The following CAST variants were observed in gnomAD, a reference collection of about 807,000 sequenced individuals.
CAST encodes the protein MIR583 host.
In CAST, 76 loss-of-function variants were observed where a neutral mutation model predicts 119.6. That is an observed-to-expected ratio of 0.64 (90% CI 0.53 to 0.77). The LOEUF is 0.77. CAST is among the 30% of genes least tolerant of loss of function. CAST has a pLI of 0.00. For synonymous variants in CAST, 319 were observed against 331.6 expected, an observed-to-expected ratio of 0.96 and a Z score of 0.41; for missense variants, 953 against 946.5, an observed-to-expected ratio of 1.01 and a Z score of -0.09.
At chr5:96,178,491 T>A in the CAST span, among the ~76,000 whole-genome samples, 1 of 152,148 alleles carries the variant, frequency 6.6e-6, no homozygotes, top group East Asian at 1.9e-4. Context: ...ATGGTGCCTT[T>A]GAAAATGAGG....
Position 96,662,660 on chromosome 5 carries a change from G to GGCAGCAGGTT in CAST, c.75+165_75+166insAGCAGGTTGC, listed in dbSNP as rs1748708169. On this transcript the variant is annotated intron_variant, in intron 1 of 31. Transcript: ENST00000675179. ...GGGGCTTGGCCGCTGCCAGGCAGGT[G>GGCAGCAGGTT]GCTGCAGGTGGCTTCGGTTCCCCGG... is the stretch of plus-strand genomic sequence containing the variant. 5.9e-5 allele frequency among the ~76,000 whole-genome samples: 9 copies of GGCAGCAGGTT among 152,138 alleles called. No individual in the cohort carries two copies. The South Asian group carries it at 1.9e-3, about 32-fold the overall frequency.
the CAST span, among the ~76,000 whole-genome samples, chr5:95,988,365 C>T: frequency 2.0e-5 from 3 of 151,736 alleles, no homozygotes; most frequent in Admixed American, 6.6e-5. Context: ...ATGAAGCTGC[C>T]GGTATGTGTG....
At chr5:96,412,237 T>C in the CAST span, 1 of 1,183,006 alleles carries the variant, frequency 8.5e-7, no homozygotes, top group South Asian at 1.2e-5. Flanking sequence ...TGTTATTCCA[T>C]GTAACCTAAG....
At chr5:96,362,383 A>G in the CAST span, among the ~76,000 whole-genome samples, 2 of 152,118 alleles carry the variant, frequency 1.3e-5, no homozygotes, top group South Asian at 2.1e-4. Flanking sequence ...GGTATTTCTA[A>G]TTCTAGATCC....
rs542986307 is a variant in CAST, at chr5:96,617,633, CAA to C, written c.61-57898_61-57897del. ...TGAAACCCCGTCTCTACTAAAAATA[CAA>C]AAAAAAATTAGCCAGGCATGGTGGT... On this transcript the variant is annotated intron_variant, in intron 1 of 11. Coordinates refer to the CAST transcript ENST00000505143. Among the ~76,000 whole-genome samples the C allele has an allele frequency of 3.4e-3, 515 of 149,314 alleles. 4 individuals are homozygous for C. The highest frequency in any genetic ancestry group is 0.023 in the South Asian group (109 of 4,706).
At chr5:96,462,623 G>T in the CAST span, among the ~76,000 whole-genome samples, 42 of 152,040 alleles carry the variant, frequency 2.8e-4, 1 homozygote, top group African/African-American at 8.4e-4. Context: ...ATTTAAAAGG[G>T]TTAAATGAGA....
At chr5:96,471,525 A>C in the CAST span, among the ~76,000 whole-genome samples, 1 of 152,182 alleles carries the variant, frequency 6.6e-6, no homozygotes, top group Non-Finnish European at 1.5e-5. Context: ...GTTGTCACAG[A>C]CACTGAAAAC....
At chr5:96,542,781 G>A (rs969682217) in intron 1 of CAST, among the ~76,000 whole-genome samples, 10 of 151,848 alleles carry the variant, frequency 6.6e-5, no homozygotes, top group African/African-American at 2.2e-4. Context: ...ACAAACATAC[G>A]AAAAAAAGCT....
chr5:96,321,129 A>G, the CAST span, among the ~76,000 whole-genome samples: 2 of 152,184 alleles, frequency 1.3e-5, no homozygotes, highest in African/African-American at 4.8e-5. Flanking sequence ...CCTAGCCATT[A>G]TATTCATAGA....
At chr5:96,771,840 G>C in intron 31 of CAST, 138 bp downstream of exon 31, 1 of 518,852 alleles carries the variant, frequency 1.9e-6, no homozygotes, top group South Asian at 3.4e-5. Flanking sequence ...CATACTGCAA[G>C]ATCTACAGAG....
the CAST span, chr5:96,395,131 T>C: frequency 1.1e-6 from 1 of 924,264 alleles, no homozygotes; most frequent in South Asian, 1.4e-5. Flanking sequence ...CATTTTAAGA[T>C]TCTGTGCATT....
At chr5:96,745,289 T>C (rs1376598986) in intron 16 of CAST, among the ~76,000 whole-genome samples, 1 of 152,228 alleles carries the variant, frequency 6.6e-6, no homozygotes, top group Non-Finnish European at 1.5e-5. Context: ...TCCCAAAGCA[T>C]AGAACAGTGC....
At chr5:96,004,327 T>G in the CAST span, among the ~76,000 whole-genome samples, 1 of 152,216 alleles carries the variant, frequency 6.6e-6, no homozygotes, top group Non-Finnish European at 1.5e-5. Context: ...GTTCCTTCAA[T>G]CTATTGGTCA....
At chr5:96,454,596 C>T in the CAST span, among the ~76,000 whole-genome samples, 136 of 152,304 alleles carry the variant, frequency 8.9e-4, no homozygotes, top group African/African-American at 3.1e-3. Flanking sequence ...CTGTCCTATA[C>T]CTGGCCCTGT....
At chr5:96,636,095 C>T (rs943160197) in intron 1 of CAST, among the ~76,000 whole-genome samples, 16 of 152,156 alleles carry the variant, frequency 1.1e-4, no homozygotes, top group African/African-American at 3.9e-4. Context: ...ATAGTACCAA[C>T]CTCATAAGTT....
At chr5:96,567,672 C>T (rs771385141) in intron 1 of CAST, among the ~76,000 whole-genome samples, 4 of 152,020 alleles carry the variant, frequency 2.6e-5, no homozygotes, top group East Asian at 1.9e-4. Flanking sequence ...TCAGGCTTCC[C>T]GTTCTTTTCT....
chr5:96,616,000 G>A (rs947381476), intron 1 of CAST, among the ~76,000 whole-genome samples: 2 of 152,156 alleles, frequency 1.3e-5, no homozygotes, highest in African/African-American at 4.8e-5. Context: ...AAAGATGTAG[G>A]CTAGGAGGCT....
the CAST span, chr5:96,318,842 T>A: frequency 6.6e-6 from 1 of 152,174 alleles, no homozygotes; most frequent in African/African-American, 2.4e-5. Context: ...GAAAATGACA[T>A]TAGTAGTTAA....
chr5:96,662,776 G>T (rs920815341), intron 1 of CAST, among the ~76,000 whole-genome samples: 1 of 152,246 alleles, frequency 6.6e-6, no homozygotes, highest in South Asian at 2.1e-4. Flanking sequence ...GTGGGTGAAT[G>T]AGGATGAGGA....
Sources: gnomAD v4.1 joint callset for allele counts (sites outside exome capture counted in the v4.1 genomes callset) on GRCh38, gnomAD v4.1.1 for gene constraint, MANE v1.5 for transcripts, NCBI Gene and HGNC (gene_info 2026-07-23, HGNC 2026-07-21) for gene names.